Variants in NELL2 observed in about 807,000 individuals in gnomAD.
NELL2 encodes the protein neural EGFL like 2.
A neutral mutation model predicts 109.6 loss-of-function variants in NELL2; 41 were observed. The ratio of observed to expected loss-of-function variants is 0.37; its 90% CI spans 0.29 to 0.49. NELL2 has a LOEUF of 0.49. Among genes scored for constraint, NELL2 ranks in the 20% least tolerant of loss-of-function variants. The pLI, the probability that NELL2 is intolerant of heterozygous loss-of-function variation, is 0.98. For missense variants in NELL2, 900 were observed against 1,008.3 expected, an observed-to-expected ratio of 0.89 and a Z score of 1.45; for synonymous variants, 355 against 344.7, an observed-to-expected ratio of 1.03 and a Z score of -0.33.
At chr12:44,855,541 C>T (rs1054420528) in intron 2 of NELL2, among the ~76,000 whole-genome samples, 1 of 152,164 alleles carries the variant, frequency 6.6e-6, no homozygotes, top group African/African-American at 2.4e-5. Context: ...GGCATAGTTT[C>T]CAAACCTTTC....
intron 3 of NELL2, among the ~76,000 whole-genome samples, chr12:44,799,649 A>G (rs1193735067): frequency 6.6e-6 from 1 of 152,142 alleles, no homozygotes; most frequent in Non-Finnish European, 1.5e-5. Context: ...AGAGAGAAAA[A>G]TTAAGAGTTT....
At chr12:44,590,092 G>T (rs559284278) in intron 15 of NELL2, among the ~76,000 whole-genome samples, 1 of 152,090 alleles carries the variant, frequency 6.6e-6, no homozygotes, top group South Asian at 2.1e-4. Flanking sequence ...TTGCATATAT[G>T]CCAGCAGGCA....
At position 44,729,123 on chromosome 12, in the gene NELL2, T is replaced by A. The variant is rs111239734; in HGVS notation, c.995-14382A>T. Among the ~76,000 whole-genome samples, 119 of 152,240 alleles carry A rather than the reference T, an allele frequency of 7.8e-4. 1 individual carries two copies. Among genetic ancestry groups the A allele is most frequent in the Admixed American group, 3.7e-3 (57 of 15,284 alleles). On this transcript the variant is annotated intron_variant, in intron 9 of 19. Coordinates refer to ENST00000429094, the MANE Select transcript of NELL2 (RefSeq NM_001145108.2). ...CAGTGGTGTATATATCACCTTTAAT[T>A]CTGGTATATAACTTAAAGATAAAAA...
chr12:44,773,746 C>A (rs755867465), intron 9 of NELL2, among the ~76,000 whole-genome samples: 2 of 152,166 alleles, frequency 1.3e-5, no homozygotes, highest in Non-Finnish European at 1.5e-5. Flanking sequence ...TAGGCTAATA[C>A]AGTCTTATGA....
intron 13 of NELL2, among the ~76,000 whole-genome samples, chr12:44,639,211 A>G (rs1946755988): frequency 2.0e-5 from 3 of 152,130 alleles, no homozygotes. Context: ...TTCATCCCAC[A>G]AAAGTATTAG....
intron 1 of NELL2, among the ~76,000 whole-genome samples, chr12:44,887,672 T>G (rs1286646717): frequency 6.6e-6 from 1 of 150,706 alleles, no homozygotes; most frequent in Non-Finnish European, 1.5e-5. Flanking sequence ...TTGTTGTTGT[T>G]GTTTTTGTTG....
chr12:44,813,351 C>T (rs1312541717), intron 3 of NELL2, among the ~76,000 whole-genome samples: 4 of 152,098 alleles, frequency 2.6e-5, no homozygotes, highest in African/African-American at 9.7e-5. Context: ...GAATGATATA[C>T]TATATCTCAA....
At chr12:44,530,002 A>G (rs1941968451) in intron 16 of NELL2, among the ~76,000 whole-genome samples, 1 of 152,210 alleles carries the variant, frequency 6.6e-6, no homozygotes, top group Non-Finnish European at 1.5e-5. Flanking sequence ...GGAATGATGC[A>G]GTTGAAAAAG....
At position 44,559,870 on chromosome 12, in the gene NELL2, T is replaced by C. The variant is rs1032792416; in HGVS notation, c.1664-27149A>G. Among the ~76,000 whole-genome samples, 8 of 152,172 alleles carry C rather than the reference T, an allele frequency of 5.3e-5. No individual in the cohort carries two copies. The South Asian group carries it at 1.0e-3, about 20-fold the overall frequency. On this transcript the variant is annotated intron_variant, in intron 15 of 19. Transcript: ENST00000429094. ...GAACTGTCCACCCAAATCAACAGAA[T>C]ATACATTCTTCTCATCACCACATCA... is the stretch of plus-strand genomic sequence containing the variant.
intron 3 of NELL2, among the ~76,000 whole-genome samples, chr12:44,805,106 G>A (rs1456823682): frequency 6.6e-6 from 1 of 151,612 alleles, no homozygotes; most frequent in Admixed American, 6.6e-5. Context: ...TTTCAAAGAA[G>A]ATAATAGAAG....
chr12:44,614,179 T>G (rs1945733126), intron 13 of NELL2, among the ~76,000 whole-genome samples: 1 of 152,044 alleles, frequency 6.6e-6, no homozygotes, highest in Admixed American at 6.6e-5. Context: ...TTATATGATA[T>G]GACAATCCAA....
intron 19 of NELL2, among the ~76,000 whole-genome samples, chr12:44,517,533 C>T (rs902068280): frequency 2.0e-5 from 3 of 152,066 alleles, no homozygotes; most frequent in Admixed American, 2.0e-4. Flanking sequence ...GTAAATTACC[C>T]AAGCTCAAGT....
intron 13 of NELL2, among the ~76,000 whole-genome samples, chr12:44,650,898 A>G (rs1384821799): frequency 2.6e-5 from 4 of 152,212 alleles, no homozygotes; most frequent in Non-Finnish European, 5.9e-5. Context: ...TTGGACTAAT[A>G]GCCTCCAGAA....
intron 2 of NELL2, among the ~76,000 whole-genome samples, chr12:44,820,156 C>A (rs748408231): frequency 3.3e-5 from 5 of 152,184 alleles, no homozygotes; most frequent in African/African-American, 7.2e-5. Flanking sequence ...TGCTTCCAAC[C>A]CTTACCTCAC....
At chr12:44,591,519 A>G (rs1336331018) in intron 15 of NELL2, among the ~76,000 whole-genome samples, 1 of 152,186 alleles carries the variant, frequency 6.6e-6, no homozygotes, top group East Asian at 1.9e-4. Flanking sequence ...AGCCAGGTGC[A>G]GAAAGAGAAA....
intron 19 of NELL2, among the ~76,000 whole-genome samples, chr12:44,518,758 A>G (rs1007561849): frequency 6.6e-6 from 1 of 152,224 alleles, no homozygotes; most frequent in Admixed American, 6.5e-5. Context: ...AATGACAGAA[A>G]GTATTTCCCT....
intron 15 of NELL2, among the ~76,000 whole-genome samples, chr12:44,587,307 A>ATATATATATATTTTTT (rs1302978950): frequency 5.2e-5 from 5 of 96,640 alleles, no homozygotes; most frequent in African/African-American, 2.1e-4. Context: ...ATATATATAT[A>ATATATATATATTTTTT]TTTTTTTTTA....
intron 15 of NELL2, 57 bp from the exon 16 acceptor site, chr12:44,532,778 A>G: frequency 6.5e-7 from 1 of 1,527,494 alleles, no homozygotes; most frequent in South Asian, 1.2e-5. Flanking sequence ...AGAAACTAGA[A>G]TATTCTGCTA....
intron 1 of NELL2, among the ~76,000 whole-genome samples, chr12:44,884,634 G>A (rs1010806495): frequency 3.3e-5 from 5 of 151,850 alleles, no homozygotes; most frequent in African/African-American, 4.8e-5. Flanking sequence ...TGGAACATAC[G>A]AAATCCTAAA....
Sources: allele counts gnomAD v4.1 joint callset (sites outside exome capture counted in the v4.1 genomes callset), GRCh38; gene constraint gnomAD v4.1.1; transcripts MANE v1.5; gene names NCBI Gene and HGNC (gene_info 2026-07-23, HGNC 2026-07-21).